TBCD: variants seen among roughly 807,000 people sequenced by gnomAD.
The protein encoded by TBCD is tubulin-specific chaperone D.
A neutral mutation model predicts 169.3 loss-of-function variants in TBCD; 105 were observed. The ratio of observed to expected loss-of-function variants is 0.62; its 90% CI spans 0.53 to 0.73. The LOEUF is 0.73. Among genes scored for constraint, TBCD ranks in the 30% least tolerant of loss-of-function variants. The pLI is 0.00. For synonymous variants in TBCD, 700 were observed against 643.9 expected, an observed-to-expected ratio of 1.09 and a Z score of -1.32; for missense variants, 1,444 against 1,600.1, an observed-to-expected ratio of 0.90 and a Z score of 1.66.
chr17:82,788,124 G>C (rs551743567), intron 7 of TBCD, among the ~76,000 whole-genome samples: 4 of 152,176 alleles, frequency 2.6e-5, no homozygotes, highest in Non-Finnish European at 4.4e-5. Flanking sequence ...TGTAATCCCA[G>C]CTACTTGGGA....
intron 35 of TBCD, 180 bp from the exon 36 acceptor site, chr17:82,937,869 T>G: frequency 1.3e-6 from 2 of 1,509,350 alleles, no homozygotes; most frequent in Non-Finnish European, 1.8e-6. Context: ...GCGACACTCG[T>G]GTGTGTAGGC....
chr17:82,757,940 T>G (rs983538860), intron 2 of TBCD, among the ~76,000 whole-genome samples: 2 of 152,272 alleles, frequency 1.3e-5, no homozygotes, highest in South Asian at 2.1e-4. Flanking sequence ...GCGGGTGGTG[T>G]TTTTATATCT....
intron 34 of TBCD, among the ~76,000 whole-genome samples, chr17:82,936,980 C>G (rs1190329771): frequency 2.0e-5 from 3 of 152,184 alleles, no homozygotes; most frequent in Non-Finnish European, 2.9e-5. Context: ...GGGACAGACC[C>G]TGGGGCCTGG....
intron 3 of TBCD, 42 bp from the exon 4 acceptor site, chr17:82,766,225 G>A: frequency 6.5e-7 from 1 of 1,535,332 alleles, no homozygotes; most frequent in Non-Finnish European, 8.9e-7. Context: ...GCTGCTCTCT[G>A]TATTTTTAAA....
chr17:82,799,652 C>T (rs2144652503), intron 8 of TBCD, among the ~76,000 whole-genome samples: 1 of 152,326 alleles, frequency 6.6e-6, no homozygotes, highest in Admixed American at 6.5e-5. Context: ...AGTGCCATCT[C>T]ACCTGTGTGT....
chr17:82,886,262 A>G (rs541224866), intron 15 of TBCD: 3 of 152,382 alleles, frequency 2.0e-5, no homozygotes, highest in African/African-American at 7.2e-5. Flanking sequence ...TGGCAGGAGC[A>G]TGGCGACTCA....
intron 13 of TBCD, among the ~76,000 whole-genome samples, chr17:82,844,606 C>T (rs1036295924): frequency 6.6e-6 from 1 of 152,148 alleles, no homozygotes; most frequent in South Asian, 2.1e-4. Flanking sequence ...GCTGTCCCTG[C>T]ACTTCCAGGC....
chr17:82,938,612 C>T (rs2062832998), intron 36 of TBCD, among the ~76,000 whole-genome samples: 1 of 152,252 alleles, frequency 6.6e-6, no homozygotes, highest in Admixed American at 6.5e-5. Context: ...GACCCTCAGG[C>T]TTGGCACCTC....
In TBCD at chr17:82,852,750, G is replaced by A. The variant is rs572234920; in HGVS notation, c.1319-17474G>A. ...TCAGCCCACGACGTACATGGAGGCC[G>A]CATTTTATTTATCCATCTGTCAGTT... On this transcript the variant is annotated intron_variant, in intron 13 of 38. Transcript: ENST00000355528. Among the ~76,000 whole-genome samples the A allele has an allele frequency of 8.5e-5, 13 of 152,318 alleles. No individual in the cohort carries two copies. In the South Asian group the frequency reaches 2.3e-3, roughly 27 times the overall value.
rs1218841060 is a variant in TBCD at position 82,889,476 on chromosome 17, G to T, written c.1534-192G>T. Among the ~76,000 whole-genome samples the T allele has an allele frequency of 1.3e-5, 2 of 152,108 alleles. No individual in the cohort carries two copies. The highest frequency in any genetic ancestry group is 4.8e-5 in the African/African-American group (2 of 41,406). The stretch of plus-strand genomic sequence containing the variant: ...TTTTATAAACTTGAATTCTTAAATT[G>T]TGGTTTTAAAGAGCACCAGGACGTA... On this transcript the variant is annotated intron_variant, in intron 15 of 38. Transcript: ENST00000355528. The surrounding 1 kb of genome is among the most constrained non-coding windows in gnomAD (Gnocchi z 5.3).
chr17:82,927,645 G>T (rs2061866593), intron 29 of TBCD, among the ~76,000 whole-genome samples: 1 of 152,100 alleles, frequency 6.6e-6, no homozygotes, highest in Non-Finnish European at 1.5e-5. Flanking sequence ...GCTGTAGTGG[G>T]ATTGATAACC....
intron 2 of TBCD, among the ~76,000 whole-genome samples, chr17:82,756,645 A>G (rs929842479): frequency 9.2e-5 from 14 of 151,630 alleles, no homozygotes; most frequent in African/African-American, 3.2e-4. Flanking sequence ...ATGCCCAGCT[A>G]ATTTTTGTAT....
intron 14 of TBCD, among the ~76,000 whole-genome samples, chr17:82,877,761 C>T (rs528828818): frequency 2.0e-5 from 3 of 152,312 alleles, no homozygotes; most frequent in South Asian, 2.1e-4. Context: ...GATCTTAAAA[C>T]GTTCGTGCTA....
Position 82,930,403 on chromosome 17 carries a change from G to A in TBCD, c.2992-119G>A, listed in dbSNP as rs1396086261. On this transcript the variant is annotated intron_variant, in intron 32 of 38. Transcript: ENST00000355528. This position sits in a 1 kb window ranked among gnomAD's most constrained non-coding sequence, Gnocchi z 5.2. ...ACCAGCCGCTTGGGGCCAGACCTTC[G>A]CGTCTCTGCAGCTCGGAGCAGTTCT... The A allele has an allele frequency of 7.8e-6, 11 of 1,417,720 alleles. No individual in the cohort carries two copies. Among genetic ancestry groups the A allele is most frequent in the African/African-American group, 1.4e-5 (1 of 69,756 alleles). The allele number at this position is 1,417,720 out of a possible 1,614,324, so 87.8% of individuals were successfully genotyped here. A position where few individuals can be genotyped will look rare whatever the true frequency, so the allele number is the denominator to read the frequency against.
At chr17:82,838,867 C>T (rs936351857) in intron 13 of TBCD, 8 of 985,420 alleles carry the variant, frequency 8.1e-6, no homozygotes, top group African/African-American at 1.7e-5. Flanking sequence ...TTACAGTCGC[C>T]GCCTCATCCT....
intron 7 of TBCD, among the ~76,000 whole-genome samples, chr17:82,786,232 C>T (rs1369831495): frequency 6.6e-6 from 1 of 152,098 alleles, no homozygotes; most frequent in Admixed American, 6.5e-5. Flanking sequence ...CTAGGATTCC[C>T]TCATCCTTAG....
At chr17:82,935,909 T>C (rs1185450554) in intron 34 of TBCD, among the ~76,000 whole-genome samples, 1 of 152,272 alleles carries the variant, frequency 6.6e-6, no homozygotes. Flanking sequence ...GAGTGGGGTC[T>C]GCTGCGGTGA....
At chr17:82,911,070 G>A (rs1568020142) in intron 22 of TBCD, among the ~76,000 whole-genome samples, 1 of 152,192 alleles carries the variant, frequency 6.6e-6, no homozygotes, top group Non-Finnish European at 1.5e-5. Context: ...CACACACTGG[G>A]CCTGGAGGGC....
intron 7 of TBCD, among the ~76,000 whole-genome samples, chr17:82,797,425 A>G (rs576128903): frequency 2.0e-5 from 3 of 152,242 alleles, no homozygotes; most frequent in South Asian, 2.1e-4. Flanking sequence ...CTACTGAGAT[A>G]TCTTCTTTTT....
Sources: allele counts gnomAD v4.1 joint callset (sites outside exome capture counted in the v4.1 genomes callset), GRCh38; gene constraint gnomAD v4.1.1; non-coding constraint Gnocchi (gnomAD v3.1); transcripts MANE v1.5; gene names NCBI Gene and HGNC (gene_info 2026-07-23, HGNC 2026-07-21).